The following CIT variants were observed in gnomAD, a reference collection of about 807,000 sequenced individuals.
CIT encodes the protein citron rho-interacting serine/threonine kinase.
Under a neutral mutation model 272.7 loss-of-function variants are expected in CIT, and 79 were observed. That is an observed-to-expected ratio of 0.29 (90% CI 0.24 to 0.35). CIT has a LOEUF of 0.35. Ranked by LOEUF, CIT falls within the 10% of genes least tolerant of loss-of-function variation. The pLI is 1.00. For missense variants in CIT, 1,909 were observed against 2,618.3 expected (o/e 0.73, Z 5.91); for synonymous variants, 948 against 995.6 (o/e 0.95, Z 0.90).
intron 9 of CIT, among the ~76,000 whole-genome samples, chr12:119,816,163 G>T (rs1967164609): frequency 6.6e-6 from 1 of 152,178 alleles, no homozygotes; most frequent in South Asian, 2.1e-4. Context: ...TATCATACAT[G>T]TATAAACATG....
At chr12:119,802,331 C>T (rs1196680394) in intron 10 of CIT, among the ~76,000 whole-genome samples, 1 of 152,120 alleles carries the variant, frequency 6.6e-6, no homozygotes, top group Admixed American at 6.5e-5. Flanking sequence ...ATACTGACCT[C>T]CCACATCCAC....
chr12:119,738,126 T>G (rs1447420527), intron 24 of CIT, among the ~76,000 whole-genome samples: 1 of 152,172 alleles, frequency 6.6e-6, no homozygotes, highest in African/African-American at 2.4e-5. Context: ...TCACTGCTAG[T>G]AAATAACAAA....
chr12:119,736,719 C>A (rs1958782327), intron 24 of CIT, among the ~76,000 whole-genome samples: 1 of 152,218 alleles, frequency 6.6e-6, no homozygotes, highest in Non-Finnish European at 1.5e-5. Context: ...CTTGCAGGGT[C>A]CCTGCCTTTC....
In CIT at chr12:119,717,197, C is replaced by A. The variant is rs886494335; in HGVS notation, c.4168+1048G>T. Among the ~76,000 whole-genome samples the A allele has an allele frequency of 3.8e-4, 58 of 152,164 alleles. 1 individual carries two copies. Among genetic ancestry groups the A allele is most frequent in the Admixed American group, 3.9e-4 (6 of 15,304 alleles). On this transcript the variant is annotated intron_variant, in intron 32 of 47. Coordinates refer to ENST00000392521, the MANE Select transcript of CIT (RefSeq NM_001206999.2). ...CCTCCCAGGTAACTGGGATTACAGGCATGCACCACCACACCCGGCTAATTT... is the reference window on the plus strand; with the variant it reads ...CCTCCCAGGTAACTGGGATTACAGGAATGCACCACCACACCCGGCTAATTT...
intron 9 of CIT, among the ~76,000 whole-genome samples, chr12:119,814,978 C>G (rs1445678545): frequency 6.7e-6 from 1 of 149,046 alleles, no homozygotes; most frequent in Non-Finnish European, 1.5e-5. Flanking sequence ...GCAGAAGTTG[C>G]AGTGAGCCGA....
intron 2 of CIT, 103 bp from the exon 3 acceptor site, chr12:119,869,304 C>T: frequency 9.0e-7 from 1 of 1,109,572 alleles, no homozygotes; most frequent in Non-Finnish European, 1.3e-6. Flanking sequence ...CAACTAACTG[C>T]TCACGACATG....
chr12:119,827,125 C>T (rs1049615213), intron 7 of CIT, among the ~76,000 whole-genome samples: 4 of 152,096 alleles, frequency 2.6e-5, no homozygotes, highest in African/African-American at 7.2e-5. Flanking sequence ...GATTGTCCAC[C>T]GGTTTGGGCA....
At chr12:119,699,507 T>C (rs1956429090) in intron 44 of CIT, among the ~76,000 whole-genome samples, 1 of 152,198 alleles carries the variant, frequency 6.6e-6, no homozygotes, top group African/African-American at 2.4e-5. Flanking sequence ...TTCCCTGGCC[T>C]TGAATCTGGG....
At chr12:119,777,857 A>G (rs1241860110) in intron 13 of CIT, among the ~76,000 whole-genome samples, 1 of 152,142 alleles carries the variant, frequency 6.6e-6, no homozygotes, top group Non-Finnish European at 1.5e-5. Context: ...GTTTTCCGCC[A>G]AGGGTAATCA....
At chr12:119,766,891 G>GA (rs1421773148) in intron 19 of CIT, among the ~76,000 whole-genome samples, 196 bp downstream of exon 19, 1 of 146,112 alleles carries the variant, frequency 6.8e-6, no homozygotes, top group East Asian at 2.0e-4. Flanking sequence ...AAAAAAAAAG[G>GA]TTTTTTTTTT....
At chr12:119,797,236 A>C (rs1216701561) in intron 10 of CIT, among the ~76,000 whole-genome samples, 1 of 152,246 alleles carries the variant, frequency 6.6e-6, no homozygotes. Context: ...GATCTTCTGG[A>C]GCCTAATCTT....
At chr12:119,738,415 C>A (rs1056577352) in intron 24 of CIT, among the ~76,000 whole-genome samples, 1 of 152,090 alleles carries the variant, frequency 6.6e-6, no homozygotes. Flanking sequence ...AGTCTGTTAA[C>A]CTTTTAACCC....
intron 8 of CIT, among the ~76,000 whole-genome samples, chr12:119,824,112 A>G (rs1380015853): frequency 2.7e-4 from 2 of 7,324 alleles, no homozygotes; most frequent in East Asian, 3.5e-3. Flanking sequence ...TTTACTGTAT[A>G]TATATATATA....
At chr12:119,871,116 C>CT (rs961087270) in intron 2 of CIT, among the ~76,000 whole-genome samples, 1 of 65,150 alleles carries the variant, frequency 1.5e-5, no homozygotes, top group Non-Finnish European at 3.0e-5. Context: ...GACAGTCTGT[C>CT]TTAAAAAAAA....
At chr12:119,757,568 C>G (rs1235747843) in intron 21 of CIT, 23 bp from the exon 22 acceptor site, 1 of 1,613,752 alleles carries the variant, frequency 6.2e-7, no homozygotes, top group South Asian at 1.1e-5. Context: ...GTGGGAGGAT[C>G]CAAACAAAAT....
At chr12:119,865,659 C>T (rs1444999919) in intron 3 of CIT, among the ~76,000 whole-genome samples, 2 of 152,106 alleles carry the variant, frequency 1.3e-5, no homozygotes, top group Non-Finnish European at 2.9e-5. Context: ...CACTTGAGGT[C>T]AGGAGTTTGA....
chr12:119,721,186 C>T (rs1225422448), intron 29 of CIT, 123 bp downstream of exon 29: 4 of 759,408 alleles, frequency 5.3e-6, no homozygotes, highest in Admixed American at 3.4e-5. Flanking sequence ...AGGCTGGTCT[C>T]GAACTCCTGA....
Position 119,718,848 on chromosome 12 carries a change from C to T in CIT, c.3854G>A (p.Arg1285Gln), listed in dbSNP as rs1380018726. 36 of 1,613,906 alleles carry T rather than the reference C, an allele frequency of 2.2e-5. No individual in the cohort carries two copies. The highest frequency in any genetic ancestry group is 3.3e-5 in the South Asian group (3 of 91,058). The change falls in exon 31 of 48, where the codon CGA becomes CAA. Residue 1285 changes from arginine (R) to glutamine (Q), a missense_variant. Physicochemically the swap from Arg to Gln is conservative, Grantham distance 43 (BLOSUM62 1). Coordinates refer to ENST00000392521, the MANE Select transcript of CIT (RefSeq NM_001206999.2). The surrounding 1 kb of genome is among the most constrained non-coding windows in gnomAD (Gnocchi z 4.8). ...PAKKKKGLFSRRKEDPALPTQ... is the reference protein window; with the variant it reads ...PAKKKKGLFSQRKEDPALPTQ... ...GGGTAAAGCAGGGTCCTCTTTCCGT[C>T]GACTAAATAAACCCTAGCAATGGAA...
In CIT at chr12:119,710,167, T is replaced by C. The variant is rs1957093687; in HGVS notation, c.5071+84A>G. The stretch of plus-strand genomic sequence containing the variant: ...CTACAACGGCTCCTCTCTACTATTT[T>C]GTGTTTTACGAGCATGAAACGTGGC... On this transcript the variant is annotated intron_variant, in intron 39 of 47. Coordinates refer to ENST00000392521, the MANE Select transcript of CIT (RefSeq NM_001206999.2). This position sits in a 1 kb window ranked among gnomAD's most constrained non-coding sequence, Gnocchi z 5.6. 2.7e-6 allele frequency: 4 copies of C among 1,468,106 alleles called. No homozygotes were observed. In the Admixed American group the frequency reaches 7.9e-5, roughly 29 times the overall value. 90.9% of individuals were successfully genotyped at this position (1,468,106 alleles called of 1,614,324 possible).
Sources: gnomAD v4.1 joint callset for allele counts (sites outside exome capture counted in the v4.1 genomes callset) on GRCh38, gnomAD v4.1.1 for gene constraint, Gnocchi (gnomAD v3.1) non-coding constraint, MANE v1.5 for transcripts, NCBI Gene and HGNC (gene_info 2026-07-23, HGNC 2026-07-21) for gene names.